The following SGCZ variants were observed in gnomAD, a reference collection of about 807,000 sequenced individuals.
SGCZ encodes the protein zeta-sarcoglycan.
A neutral mutation model predicts 41.3 loss-of-function variants in SGCZ; 40 were observed. That is an observed-to-expected ratio of 0.97 (90% CI 0.75 to 1.26). The LOEUF (loss-of-function observed/expected upper bound fraction) is 1.26, where lower values mean the gene tolerates loss of function less well. Ranked by LOEUF, SGCZ falls within the 50% of genes most tolerant of loss-of-function variation. The pLI is 0.00. For synonymous variants in SGCZ, 206 were observed against 137.5 expected, an observed-to-expected ratio of 1.50 and a Z score of -3.49; for missense variants, 552 against 369.8, an observed-to-expected ratio of 1.49 and a Z score of -4.04.
At chr8:15,155,165 C>A (rs1223841034) in intron 1 of SGCZ, among the ~76,000 whole-genome samples, 2 of 152,038 alleles carry the variant, frequency 1.3e-5, no homozygotes, top group African/African-American at 4.8e-5. Flanking sequence ...TGTGGTGGTG[C>A]ACGCCTATAG....
intron 2 of SGCZ, among the ~76,000 whole-genome samples, chr8:14,376,988 G>A (rs565271554): frequency 6.6e-6 from 1 of 152,276 alleles, no homozygotes; most frequent in South Asian, 2.1e-4. Context: ...CCTGATTGAT[G>A]AGGTGAGAGG....
At chr8:14,371,234 A>G (rs1803898520) in intron 2 of SGCZ, among the ~76,000 whole-genome samples, 1 of 152,030 alleles carries the variant, frequency 6.6e-6, no homozygotes, top group Non-Finnish European at 1.5e-5. Flanking sequence ...AATTTGCCAT[A>G]ACATTCTTAT....
intron 2 of SGCZ, among the ~76,000 whole-genome samples, chr8:14,471,474 A>G (rs1054352097): frequency 6.6e-6 from 1 of 152,018 alleles, no homozygotes; most frequent in Non-Finnish European, 1.5e-5. Flanking sequence ...ACAACATCCA[A>G]TTATTCTGAT....
At chr8:14,386,011 T>C (rs922175080) in intron 2 of SGCZ, among the ~76,000 whole-genome samples, 1 of 152,218 alleles carries the variant, frequency 6.6e-6, no homozygotes, top group Non-Finnish European at 1.5e-5. Context: ...TGTTATACTC[T>C]ACTTTTAATG....
Position 14,921,508 on chromosome 8 carries a change from A to G in SGCZ, c.39+316077T>C, listed in dbSNP as rs577726929. Among the ~76,000 whole-genome samples the G allele has an allele frequency of 1.5e-4, 23 of 151,898 alleles. No individual in the cohort carries two copies. The South Asian group carries it at 4.9e-3, about 32-fold the overall frequency. ...ATAAATATTCAATAAATGTCATCTA[A>G]TTTTATTATCTATGCTTATTTAAAT... On this transcript the variant is annotated intron_variant, in intron 1 of 7. Transcript: ENST00000382080.
chr8:14,554,569 C>G (rs1803971951), intron 2 of SGCZ, among the ~76,000 whole-genome samples, 163 bp downstream of exon 2: 1 of 151,932 alleles, frequency 6.6e-6, no homozygotes, highest in African/African-American at 2.4e-5. Context: ...AGGACTGAAC[C>G]TACTGAATGT....
intron 3 of SGCZ, among the ~76,000 whole-genome samples, chr8:14,241,182 T>C (rs985967683): frequency 1.1e-4 from 17 of 151,990 alleles, no homozygotes; most frequent in Non-Finnish European, 1.8e-4. Context: ...CTGATTTATA[T>C]CCTTTATATT....
chr8:14,653,960 T>C (rs1807481116), intron 1 of SGCZ, among the ~76,000 whole-genome samples: 1 of 152,170 alleles, frequency 6.6e-6, no homozygotes, highest in South Asian at 2.1e-4. Flanking sequence ...TTGTCCAAAA[T>C]GCAGATGACT....
At chr8:14,763,765 T>C (rs779931676) in intron 1 of SGCZ, among the ~76,000 whole-genome samples, 14 of 152,196 alleles carry the variant, frequency 9.2e-5, no homozygotes, top group Non-Finnish European at 1.8e-4. Context: ...TAATATCATA[T>C]AGCCTTAGTT....
At chr8:15,145,648 T>C (rs535147577) in intron 1 of SGCZ, among the ~76,000 whole-genome samples, 3 of 152,116 alleles carry the variant, frequency 2.0e-5, no homozygotes, top group African/African-American at 7.2e-5. Context: ...AGAGACAAGG[T>C]CTTACTATGT....
At chr8:14,377,707 G>C (rs1375533035) in intron 2 of SGCZ, among the ~76,000 whole-genome samples, 1 of 149,956 alleles carries the variant, frequency 6.7e-6, no homozygotes, top group Non-Finnish European at 1.5e-5. Flanking sequence ...AGTCCTCAGA[G>C]TGTGATGTTC....
intron 2 of SGCZ, among the ~76,000 whole-genome samples, chr8:14,400,760 A>ATT (rs11375684): frequency 3.3e-5 from 5 of 151,284 alleles, no homozygotes; most frequent in African/African-American, 7.3e-5. Flanking sequence ...AATCAATAGT[A>ATT]TTTTTTTTTA....
chr8:14,981,010 A>T (rs1801645707), intron 1 of SGCZ, among the ~76,000 whole-genome samples: 1 of 152,144 alleles, frequency 6.6e-6, no homozygotes, highest in Non-Finnish European at 1.5e-5. Flanking sequence ...GCCTTGACAC[A>T]ATTCACCAAA....
At chr8:14,205,008 C>T (rs182472349) in intron 4 of SGCZ, among the ~76,000 whole-genome samples, 8 of 152,238 alleles carry the variant, frequency 5.3e-5, no homozygotes, top group South Asian at 2.1e-4. Context: ...CTCACCCATA[C>T]GCCTGTTTGT....
chr8:14,380,732 G>C (rs1696712811), intron 2 of SGCZ, among the ~76,000 whole-genome samples: 1 of 152,108 alleles, frequency 6.6e-6, no homozygotes, highest in Admixed American at 6.6e-5. Flanking sequence ...CGTATCTGCA[G>C]TCCCAGCTAC....
intron 1 of SGCZ, among the ~76,000 whole-genome samples, chr8:14,927,665 G>C (rs1354525549): frequency 6.6e-6 from 1 of 152,110 alleles, no homozygotes; most frequent in Non-Finnish European, 1.5e-5. Context: ...TGATGAGGTT[G>C]TTGAAATAAC....
chr8:14,775,985 C>T (rs562785188), intron 1 of SGCZ, among the ~76,000 whole-genome samples: 76 of 151,956 alleles, frequency 5.0e-4, no homozygotes, highest in African/African-American at 1.8e-3. Context: ...ATAAGCCCAT[C>T]GTGGAAACAC....
At chr8:14,235,919 A>G (rs984929245) in intron 4 of SGCZ, among the ~76,000 whole-genome samples, 12 of 152,098 alleles carry the variant, frequency 7.9e-5, no homozygotes, top group African/African-American at 2.7e-4. Context: ...TCTTGACCTC[A>G]TGATCCGCCC....
At chr8:15,046,238 A>G (rs970604903) in intron 1 of SGCZ, among the ~76,000 whole-genome samples, 24 of 152,206 alleles carry the variant, frequency 1.6e-4, no homozygotes, top group Admixed American at 9.8e-4. Flanking sequence ...CACATATACC[A>G]TGGAACACTG....
Sources: allele counts gnomAD v4.1 joint callset (sites outside exome capture counted in the v4.1 genomes callset), GRCh38; gene constraint gnomAD v4.1.1; transcripts MANE v1.5; gene names NCBI Gene and HGNC (gene_info 2026-07-23, HGNC 2026-07-21).